ADGRB2: variants seen among roughly 807,000 people sequenced by gnomAD.
The protein encoded by ADGRB2 is adhesion G protein-coupled receptor B2, also known as brain-specific angiogenesis inhibitor 2.
ADGRB2 carries 47 observed loss-of-function variants against 178.7 expected under a neutral mutation model. The ratio of observed to expected loss-of-function variants is 0.26; its 90% CI spans 0.21 to 0.34. The LOEUF is 0.34. Ranked by LOEUF, ADGRB2 falls within the 10% of genes least tolerant of loss-of-function variation. The pLI is 1.00. For missense variants in ADGRB2, 1,584 were observed against 2,180.8 expected (o/e 0.73, Z 5.45); for synonymous variants, 870 against 912.4 (o/e 0.95, Z 0.84).
rs749762941 is a variant in ADGRB2, at chr1:31,759,345, C to T, written c.-190-1834G>A. 2.6e-6 allele frequency: 2 copies of T among 779,692 alleles called. No homozygotes were observed. The highest frequency in any genetic ancestry group is 4.8e-6 in the Non-Finnish European group (2 of 417,952). The allele number at this position is 779,692 out of a possible 1,614,324, so 48.3% of individuals were successfully genotyped here. ...CATGAGTATCTGGCCCTCTGAGGCT[C>T]AGCATATGACAGCTAAGTGTCAGGC... On this transcript the variant is annotated intron_variant, in intron 1 of 32. Transcript: ENST00000373658. The surrounding 1 kb of genome is among the most constrained non-coding windows in gnomAD (Gnocchi z 4.3).
chr1:31,739,888 C>A, intron 14 of ADGRB2, 38 bp downstream of exon 14: 1 of 1,576,846 alleles, frequency 6.3e-7, no homozygotes, highest in Non-Finnish European at 8.7e-7. Context: ...TGAGTTCTGG[C>A]ACATTCAGGA....
At chr1:31,739,176 A>T in intron 15 of ADGRB2, 132 bp downstream of exon 15, 1 of 1,063,474 alleles carries the variant, frequency 9.4e-7, no homozygotes, top group Non-Finnish European at 1.3e-6. Flanking sequence ...GTCCAGAGCC[A>T]GGCAAGGGGT....
rs549241007 is a variant in ADGRB2, at chr1:31,752,977, C to A, written c.838+3022G>T. Reference sequence around the variant, plus strand: ...AAGCAGCCAGGGGCAGGCCAGTGCCCACAGGGGAGGTAGGGATTGTGGCCA... The same window carrying A: ...AAGCAGCCAGGGGCAGGCCAGTGCCAACAGGGGAGGTAGGGATTGTGGCCA... On this transcript the variant is annotated intron_variant, in intron 4 of 32. Coordinates refer to ENST00000373658, the MANE Select transcript of ADGRB2 (RefSeq NM_001364857.2). Among the ~76,000 whole-genome samples, 20 of 152,236 alleles carry A rather than the reference C, an allele frequency of 1.3e-4. No homozygotes were observed. The South Asian group carries it at 4.1e-3, about 32-fold the overall frequency.
rs908295290 is a variant in ADGRB2 at position 31,761,743 on chromosome 1, G to A, written c.-191+2141C>T. On this transcript the variant is annotated intron_variant, in intron 1 of 32. Coordinates refer to ENST00000373658, the MANE Select transcript of ADGRB2 (RefSeq NM_001364857.2). This position sits in a 1 kb window ranked among gnomAD's most constrained non-coding sequence, Gnocchi z 4.2. ...TCTTTATTATACTGGGGGTTGGAGT[G>A]AAGGCACTGGAACCTGTTTTTCATT... 4.6e-5 allele frequency among the ~76,000 whole-genome samples: 7 copies of A among 152,204 alleles called. No homozygotes were observed. Among genetic ancestry groups the A allele is most frequent in the African/African-American group, 1.7e-4 (7 of 41,444 alleles).
intron 18 of ADGRB2, 66 bp from the exon 19 acceptor site, chr1:31,737,821 C>A: frequency 7.1e-7 from 1 of 1,402,624 alleles, no homozygotes. Flanking sequence ...GTGCCCTGTC[C>A]CCTCATCTAC....
rs1185827282 is a variant in ADGRB2, at chr1:31,732,505, C to T, written c.3720+12G>A. 1.9e-6 allele frequency: 3 copies of T among 1,613,880 alleles called. No individual in the cohort carries two copies. The highest frequency in any genetic ancestry group is 2.5e-6 in the Non-Finnish European group (3 of 1,179,954). The stretch of plus-strand genomic sequence containing the variant: ...AGAATCTGCCCAGGCCCTGCCCAGG[C>T]CCCTAACTCACCAGGATCTGCAGCT... On this transcript the variant is annotated intron_variant, in intron 27 of 32. Coordinates refer to ENST00000373658, the MANE Select transcript of ADGRB2 (RefSeq NM_001364857.2).
At chr1:31,762,135 C>G (rs1321924328) in intron 1 of ADGRB2, among the ~76,000 whole-genome samples, 1 of 152,038 alleles carries the variant, frequency 6.6e-6, no homozygotes, top group East Asian at 1.9e-4. Flanking sequence ...ATGCAGACCA[C>G]GCACGCACAC....
At position 31,728,518 on chromosome 1, in the gene ADGRB2, G is replaced by C; in HGVS notation, c.4416+80C>G. On this transcript the variant is annotated intron_variant, in intron 30 of 32. Transcript: ENST00000373658. The surrounding 1 kb of genome is among the most constrained non-coding windows in gnomAD (Gnocchi z 6.7). ...GGGTCAGGCTCTGCAACAGAGCTTG[G>C]ACTACTTTTAGGAGTGAGCCCTCCA... 1 of 1,594,358 alleles carries C rather than the reference G, an allele frequency of 6.3e-7. No individual in the cohort carries two copies. Among genetic ancestry groups the C allele is most frequent in the Non-Finnish European group, 8.6e-7 (1 of 1,162,234 alleles).
chr1:31,728,765 T>G lies in ADGRB2; in HGVS notation c.4381-132A>C. On this transcript the variant is annotated intron_variant, in intron 29 of 32. Coordinates refer to ENST00000373658, the MANE Select transcript of ADGRB2 (RefSeq NM_001364857.2). The surrounding 1 kb of genome is among the most constrained non-coding windows in gnomAD (Gnocchi z 6.7). ...CTTCCCCCCAACCCAGGCCCAGAAG[T>G]TGCGGACCTTCATGGGGCAGCTTTT... The G allele has an allele frequency of 2.1e-6, 2 of 960,004 alleles. No individual in the cohort carries two copies. The highest frequency in any genetic ancestry group is 3.2e-6 in the Non-Finnish European group (2 of 625,660). 59.5% of individuals were successfully genotyped at this position (960,004 alleles called of 1,614,324 possible). A position where few individuals can be genotyped will look rare whatever the true frequency, so the allele number is the denominator to read the frequency against.
rs772024500 is a variant in ADGRB2 at position 31,728,017 on chromosome 1, G to A, written c.4572+8C>T. ...CCACCTCACCCCACCCAGCCCGGGG[G>A]GACTCACGGTGCACACGCTCCGCTC... On this transcript the variant is annotated splice_region_variant and intron_variant, in intron 32 of 32. Coordinates refer to ENST00000373658, the MANE Select transcript of ADGRB2 (RefSeq NM_001364857.2). This position sits in a 1 kb window ranked among gnomAD's most constrained non-coding sequence, Gnocchi z 6.7. The A allele has an allele frequency of 6.4e-7, 1 of 1,556,806 alleles. No homozygotes were observed. Among genetic ancestry groups the A allele is most frequent in the East Asian group, 2.4e-5 (1 of 42,166 alleles).
At chr1:31,736,799 C>G in intron 20 of ADGRB2, 76 bp from the exon 21 acceptor site, 2 of 1,519,676 alleles carry the variant, frequency 1.3e-6, no homozygotes, top group South Asian at 2.5e-5. Context: ...CCCACGCCCG[C>G]TGCTGGGCGC....
rs533056536 is a variant in ADGRB2, at chr1:31,758,089, G to A, written c.-190-578C>T. On this transcript the variant is annotated intron_variant, in intron 1 of 32. Transcript: ENST00000373658. The surrounding 1 kb of genome is among the most constrained non-coding windows in gnomAD (Gnocchi z 4.2). ...CCAACTGCCCAGAAAATGGAACCTA[G>A]CGCGTGGTCTGAATCAGCCCCACTT... 5.9e-5 allele frequency among the ~76,000 whole-genome samples: 9 copies of A among 152,266 alleles called. No individual in the cohort carries two copies. In the East Asian group the frequency reaches 1.4e-3, roughly 23 times the overall value.
chr1:31,732,560 T>C lies in ADGRB2; in HGVS notation c.3677A>G (p.Glu1226Gly). The change falls in exon 27 of 33, where the codon GAA becomes GGA. Residue 1226 changes from glutamate (E) to glycine (G), a missense_variant. Glu to Gly is a moderately conservative substitution (Grantham distance 98). Coordinates refer to ENST00000373658, the MANE Select transcript of ADGRB2 (RefSeq NM_001364857.2). ...QMGVCRADES[E>G]DSPDSCKNGQ... ...GTTCTTACACGAGTCAGGGGAGTCT[T>C]CGCTCTCATCAGCCCGGCACACCCC... The C allele has an allele frequency of 1.9e-6, 3 of 1,614,154 alleles. No individual in the cohort carries two copies. The highest frequency in any genetic ancestry group is 2.5e-6 in the Non-Finnish European group (3 of 1,180,034).
intron 4 of ADGRB2, among the ~76,000 whole-genome samples, chr1:31,752,425 C>T (rs1646622714): frequency 6.6e-6 from 1 of 152,170 alleles, no homozygotes; most frequent in Admixed American, 6.5e-5. Context: ...TCCTCACTGC[C>T]TGGGCCCCCA....
At position 31,733,062 on chromosome 1, in the gene ADGRB2, G is replaced by A; in HGVS notation, c.3534C>T (p.Arg1178=). The part of the protein sequence containing the change: ...WMSAVLAMTD[R]RSVLFQALFA... ...AGAGGGCCTGGAAGAGGACGGAACGGCGGTCTGTCATAGCCAGGACGGCAG... is the reference window on the plus strand; with the variant it reads ...AGAGGGCCTGGAAGAGGACGGAACGACGGTCTGTCATAGCCAGGACGGCAG... Residue 1178 remains arginine (R), a synonymous_variant, in exon 26 of 33, where the codon CGC becomes CGT. Coordinates refer to ENST00000373658, the MANE Select transcript of ADGRB2 (RefSeq NM_001364857.2). This position sits in a 1 kb window ranked among gnomAD's most constrained non-coding sequence, Gnocchi z 4.3. 1 of 1,580,616 alleles carries A rather than the reference G, an allele frequency of 6.3e-7. No homozygotes were observed. Among genetic ancestry groups the A allele is most frequent in the Middle Eastern group, 1.7e-4 (1 of 6,006 alleles).
intron 4 of ADGRB2, among the ~76,000 whole-genome samples, chr1:31,749,067 A>T (rs1360141873): frequency 1.3e-5 from 2 of 152,112 alleles, no homozygotes; most frequent in Admixed American, 1.3e-4. Flanking sequence ...CCTAATTTGC[A>T]TGGGACCCCG....
chr1:31,749,600 C>T (rs1646455282), intron 4 of ADGRB2, among the ~76,000 whole-genome samples: 2 of 152,342 alleles, frequency 1.3e-5, no homozygotes, highest in East Asian at 3.9e-4. Flanking sequence ...CTGTCTGGAG[C>T]ACAATCCGCT....
In ADGRB2 at chr1:31,738,327, C is replaced by T; in HGVS notation, c.2646-1G>A. The T allele has an allele frequency of 6.2e-7, 1 of 1,610,948 alleles. No individual in the cohort carries two copies. Among genetic ancestry groups the T allele is most frequent in the Non-Finnish European group, 8.5e-7 (1 of 1,179,934 alleles). ...GTCCCAGTCTCCTGAGCTGGCATCT[C>T]TTGGGTAGGGGAGAGATTCAGTGAG... is the stretch of plus-strand genomic sequence containing the variant. On this transcript the variant is annotated splice_acceptor_variant, in intron 17 of 32. Coordinates refer to ENST00000373658, the MANE Select transcript of ADGRB2 (RefSeq NM_001364857.2). LOFTEE classifies it high-confidence loss of function.
In ADGRB2 at chr1:31,742,223, T is replaced by C; in HGVS notation, c.1253-6A>G. ...TTCTAACCACTGGCCTTCCACTGCA[T>C]GGGGAGACACAAGCAGGGGTGGCTG... On this transcript the variant is annotated splice_polypyrimidine_tract_variant and splice_region_variant and intron_variant, in intron 7 of 32. Coordinates refer to ENST00000373658, the MANE Select transcript of ADGRB2 (RefSeq NM_001364857.2). 1.3e-6 allele frequency: 2 copies of C among 1,590,436 alleles called. No homozygotes were observed. The highest frequency in any genetic ancestry group is 1.7e-6 in the Non-Finnish European group (2 of 1,166,262).
Sources: allele counts gnomAD v4.1 joint callset (sites outside exome capture counted in the v4.1 genomes callset), GRCh38; gene constraint gnomAD v4.1.1; non-coding constraint Gnocchi (gnomAD v3.1); transcripts MANE v1.5; gene names NCBI Gene and HGNC (gene_info 2026-07-23, HGNC 2026-07-21).